CAAP1: variants seen among roughly 807,000 people sequenced by gnomAD.
CAAP1 encodes caspase activity and apoptosis inhibitor 1.
Under a neutral mutation model 34.0 loss-of-function variants are expected in CAAP1, and 20 were observed. The ratio of observed to expected loss-of-function variants is 0.59; its 90% confidence interval spans 0.41 to 0.86. The LOEUF is 0.86. Ranked by LOEUF, CAAP1 falls within the 40% of genes least tolerant of loss-of-function variation. The pLI is 0.00. For synonymous variants in CAAP1, 213 were observed against 166.7 expected (o/e 1.28, Z -2.14); for missense variants, 538 against 450.5 (o/e 1.19, Z -1.76).
At chr9:26,852,222 G>A (rs1405015059) in intron 5 of CAAP1, among the ~76,000 whole-genome samples, 5 of 151,916 alleles carry the variant, frequency 3.3e-5, no homozygotes, top group Non-Finnish European at 1.5e-5. Context: ...GGGAGGCCAA[G>A]GGAGGTGGAT....
chr9:26,873,029 G>A (rs1291267306), intron 4 of CAAP1, among the ~76,000 whole-genome samples: 1 of 152,150 alleles, frequency 6.6e-6, no homozygotes, highest in Non-Finnish European at 1.5e-5. Context: ...GGGTGGCTGA[G>A]GCAGAAGGAT....
chr9:26,876,335 C>A (rs1195401631), intron 4 of CAAP1, among the ~76,000 whole-genome samples: 1 of 152,102 alleles, frequency 6.6e-6, no homozygotes, highest in African/African-American at 2.4e-5. Context: ...ATCTCAAGAT[C>A]CTTAACTTAA....
chr9:26,875,108 CTCTT>C (rs1409882095), intron 4 of CAAP1, among the ~76,000 whole-genome samples: 4 of 152,114 alleles, frequency 2.6e-5, no homozygotes, highest in Admixed American at 6.5e-5. Context: ...GATGTTATGT[CTCTT>C]TCTAATTAAA....
chr9:26,892,550 C>CAAATAAA lies in CAAP1; in HGVS notation c.165_166insTTTATTT (p.Gly56PhefsTer8). 6.3e-7 allele frequency: 1 copy of CAAATAAA among 1,581,630 alleles called. No individual in the cohort carries two copies. The highest frequency in any genetic ancestry group is 8.6e-7 in the Non-Finnish European group (1 of 1,164,238). ...ACACTTCCACTAAAATTGGCGTTCC[C>CAAATAAA]ACAGCAGCTGACGCTCCCGCAGCCC... On this transcript the variant is annotated frameshift_variant, in exon 1 of 6. Transcript: ENST00000333916. LOFTEE classifies it high-confidence loss of function.
chr9:26,852,149 T>TC (rs1449356487), intron 5 of CAAP1, among the ~76,000 whole-genome samples: 1 of 66 alleles, frequency 0.015, no homozygotes, highest in Non-Finnish European at 0.029. Context: ...AACCTCTGCC[T>TC]CCTGGCTGAA....
chr9:26,882,651 G>A (rs972007762), intron 4 of CAAP1, among the ~76,000 whole-genome samples: 1 of 152,194 alleles, frequency 6.6e-6, no homozygotes, highest in Non-Finnish European at 1.5e-5. Context: ...TAGTGGAGCT[G>A]TGAGAAGAGG....
At chr9:26,846,998 T>C (rs945003779) in intron 5 of CAAP1, among the ~76,000 whole-genome samples, 14 of 151,812 alleles carry the variant, frequency 9.2e-5, no homozygotes. Context: ...ATTTTTCTTC[T>C]TCTTTTACTC....
At chr9:26,872,553 A>ATATATAT (rs560375272) in intron 4 of CAAP1, among the ~76,000 whole-genome samples, 3 of 142,556 alleles carry the variant, frequency 2.1e-5, no homozygotes, top group African/African-American at 8.1e-5. Context: ...ATATACATAT[A>ATATATAT]ATATATATAT....
In CAAP1 at chr9:26,847,198, A is replaced by ATATTTTT. The variant is rs1554649570; in HGVS notation, c.740-4552_740-4551insAAAAATA. Among the ~76,000 whole-genome samples the ATATTTTT allele has an allele frequency of 1.0e-3, 35 of 34,754 alleles. 1 individual carries two copies. The highest frequency in any genetic ancestry group is 3.5e-3 in the African/African-American group (30 of 8,538). The allele number at this position is 34,754 out of a possible 152,430, so 22.8% of individuals were successfully genotyped here. ...TTTTTACTAGTAAGTAAAAAGCAATATTTTTTTTTTTTTTTTTTTTTTTTT... is the reference window on the plus strand; with the variant it reads ...TTTTTACTAGTAAGTAAAAAGCAATATATTTTTTTTTTTTTTTTTTTTTTTTTTTTTT... On this transcript the variant is annotated intron_variant, in intron 5 of 5. Transcript: ENST00000333916.
chr9:26,873,536 G>A (rs1297548335), intron 4 of CAAP1, among the ~76,000 whole-genome samples: 1 of 152,028 alleles, frequency 6.6e-6, no homozygotes, highest in African/African-American at 2.4e-5. Flanking sequence ...TGCTATTCAA[G>A]ACTTAAATTT....
chr9:26,865,394 A>T (rs1823110916), intron 4 of CAAP1, among the ~76,000 whole-genome samples: 1 of 152,068 alleles, frequency 6.6e-6, no homozygotes, highest in Non-Finnish European at 1.5e-5. Context: ...GTGGTGGCAC[A>T]CGCCTGTAAT....
rs3739549 is a variant in CAAP1, at chr9:26,892,525, A to G, written c.191T>C (p.Val64Ala). The stretch of plus-strand genomic sequence containing the variant: ...GCTGCCGCCGCTCCCACCGCCGGTG[A>G]CACTTCCACTAAAATTGGCGTTCCC... ...CCGNANFSGS[V>A]TGGGSGGSCW... is the part of the protein sequence containing the mutation. Residue 64 changes from valine to alanine, a missense_variant, in exon 1 of 6, where the codon GTC (valine) becomes GCC (alanine). Val to Ala is a moderately conservative substitution (Grantham distance 64). This residue lies in a region of CAAP1 where 514 missense variants were observed against 408.4 expected (regional missense o/e 1.26). Transcript: ENST00000333916. The G allele has an allele frequency of 2.1e-4, 336 of 1,573,600 alleles. 1 individual carries two copies. The East Asian group carries it at 6.2e-3, about 29-fold the overall frequency.
chr9:26,876,983 G>C (rs1310601471), intron 4 of CAAP1, among the ~76,000 whole-genome samples: 1 of 152,026 alleles, frequency 6.6e-6, no homozygotes, highest in Non-Finnish European at 1.5e-5. Flanking sequence ...GTGAGACCCT[G>C]TCTCTACAAA....
At chr9:26,891,940 T>C (rs1207564814) in intron 1 of CAAP1, among the ~76,000 whole-genome samples, 2 of 152,188 alleles carry the variant, frequency 1.3e-5, no homozygotes, top group African/African-American at 2.4e-5. Context: ...ATGGCTTTTG[T>C]AGTCAGATAT....
At position 26,842,051 on chromosome 9, in the gene CAAP1, A is replaced by G. The variant is rs1232705616; in HGVS notation, c.*250T>C. The G allele has an allele frequency of 5.9e-6, 2 of 337,364 alleles. No individual in the cohort carries two copies. The highest frequency in any genetic ancestry group is 1.1e-5 in the Non-Finnish European group (2 of 187,152). 20.9% of individuals were successfully genotyped at this position (337,364 alleles called of 1,614,324 possible). On this transcript the variant is annotated 3_prime_UTR_variant, in exon 6 of 6. Coordinates refer to ENST00000333916, the MANE Select transcript of CAAP1 (RefSeq NM_024828.4). ...TTAAGATTTGCAGACACAGCTAAAT[A>G]CTCATCTAACAAAGTATCCAGGCTA...
intron 5 of CAAP1, among the ~76,000 whole-genome samples, chr9:26,843,149 C>T (rs753364128): frequency 1.6e-4 from 24 of 152,302 alleles, no homozygotes; most frequent in Non-Finnish European, 2.6e-4. Context: ...TCTTTTCATA[C>T]GCTTTTTCAA....
At chr9:26,851,799 C>T (rs997398260) in intron 5 of CAAP1, among the ~76,000 whole-genome samples, 29 of 152,272 alleles carry the variant, frequency 1.9e-4, no homozygotes, top group African/African-American at 6.0e-4. Context: ...AAGCAAGCAA[C>T]TTTTCCCCCT....
Position 26,889,269 on chromosome 9 carries a change from T to C in CAAP1, c.304-1756A>G, listed in dbSNP as rs375504239. Among the ~76,000 whole-genome samples, 11 of 151,704 alleles carry C rather than the reference T, an allele frequency of 7.3e-5. No homozygotes were observed. The East Asian group carries it at 2.0e-3, about 27-fold the overall frequency. On this transcript the variant is annotated intron_variant, in intron 1 of 5. Transcript: ENST00000333916. Reference sequence around the variant, plus strand: ...CCGTGTCTAATAAAAAACAGAAAAATTAGCTGGGTGTGGAGGCGGGTGCCT... The same window carrying C: ...CCGTGTCTAATAAAAAACAGAAAAACTAGCTGGGTGTGGAGGCGGGTGCCT...
Position 26,892,615 on chromosome 9 carries a change from C to T in CAAP1, c.101G>A (p.Ser34Asn). The change falls in exon 1 of 6, where the codon AGC becomes AAC. Residue 34 changes from serine (S) to asparagine (N), a missense_variant. Physicochemically the swap from Ser to Asn is conservative, Grantham distance 46. Coordinates refer to ENST00000333916, the MANE Select transcript of CAAP1 (RefSeq NM_024828.4). ...AAPDIVPALA[S>N]GSSGSTSGCG... ...GCCGCTAGTGCTTCCACTGCTGCCGCTGGCCAACGCGGGTACGATGTCCGG... is the reference window on the plus strand; with the variant it reads ...GCCGCTAGTGCTTCCACTGCTGCCGTTGGCCAACGCGGGTACGATGTCCGG... 6.2e-7 allele frequency: 1 copy of T among 1,609,426 alleles called. No individual in the cohort carries two copies. The highest frequency in any genetic ancestry group is 8.5e-7 in the Non-Finnish European group (1 of 1,179,460).
Sources: gnomAD v4.1 joint callset for allele counts (sites outside exome capture counted in the v4.1 genomes callset) on GRCh38, gnomAD v4.1.1 for gene constraint, gnomAD v4.1.1 regional missense constraint, MANE v1.5 for transcripts, NCBI Gene and HGNC (gene_info 2026-07-23, HGNC 2026-07-21) for gene names.